The following GALNT10 variants were observed in gnomAD, a reference collection of about 807,000 sequenced individuals.
GALNT10 encodes the protein polypeptide N-acetylgalactosaminyltransferase 10, also known as GalNAc transferase 10.
In GALNT10, 41 loss-of-function variants were observed where a neutral mutation model predicts 75.0. The observed-to-expected ratio is 0.55, with a 90% CI of 0.43 to 0.71. GALNT10 has a LOEUF of 0.71. Among genes scored for constraint, GALNT10 ranks in the 30% least tolerant of loss-of-function variants. GALNT10 has a pLI of 0.00. For synonymous variants in GALNT10, 302 were observed against 313.0 expected (o/e 0.96, Z 0.37); for missense variants, 727 against 818.5 (o/e 0.89, Z 1.36).
chr5:154,320,738 G>A (rs1025145508), intron 3 of GALNT10, among the ~76,000 whole-genome samples: 1 of 152,224 alleles, frequency 6.6e-6, no homozygotes, highest in Non-Finnish European at 1.5e-5. Flanking sequence ...GAGGAAGGCT[G>A]TGTGGGGACT....
At chr5:154,326,412 A>G (rs553887009) in intron 3 of GALNT10, among the ~76,000 whole-genome samples, 62 of 152,368 alleles carry the variant, frequency 4.1e-4, no homozygotes, top group African/African-American at 1.5e-3. Context: ...TACCCACAGA[A>G]TTGAAAACAT....
At chr5:154,203,407 A>T (rs147106843) in intron 1 of GALNT10, among the ~76,000 whole-genome samples, 215 of 152,238 alleles carry the variant, frequency 1.4e-3, no homozygotes, top group African/African-American at 5.0e-3. Context: ...CCTCAACCTT[A>T]TCCCTGCCAA....
chr5:154,338,759 CTTT>C (rs1754984336), intron 4 of GALNT10, among the ~76,000 whole-genome samples: 1 of 152,228 alleles, frequency 6.6e-6, no homozygotes, highest in Non-Finnish European at 1.5e-5. Flanking sequence ...ATCTCTTCTT[CTTT>C]GAGACAATGG....
At chr5:154,286,229 A>G (rs1754108971) in intron 1 of GALNT10, among the ~76,000 whole-genome samples, 1 of 152,224 alleles carries the variant, frequency 6.6e-6, no homozygotes. Flanking sequence ...CTTCCTCACC[A>G]GTATATCCTC....
At chr5:154,229,675 GTGAGCCGAGAA>G (rs1476209394) in intron 1 of GALNT10, among the ~76,000 whole-genome samples, 1 of 152,172 alleles carries the variant, frequency 6.6e-6, no homozygotes, top group Non-Finnish European at 1.5e-5. Context: ...GCACCTTGCG[GTGAGCCGAGAA>G]TGCGCCACTG....
chr5:154,416,691 C>T lies in GALNT10; in HGVS notation c.1654-123C>T. 1 of 723,442 alleles carries T rather than the reference C, an allele frequency of 1.4e-6. No homozygotes were observed. Among genetic ancestry groups the T allele is most frequent in the Non-Finnish European group, 2.4e-6 (1 of 414,670 alleles). 44.8% of individuals were successfully genotyped at this position (723,442 alleles called of 1,614,324 possible). On this transcript the variant is annotated intron_variant, in intron 11 of 11. Coordinates refer to ENST00000297107, the MANE Select transcript of GALNT10 (RefSeq NM_198321.4). This position sits in a 1 kb window ranked among gnomAD's most constrained non-coding sequence, Gnocchi z 4.5. ...CTTGTGAGCTCAGGAGGAAAACCAA[C>T]AGGTGTATGAACAGCTAGTCAGTCA... is the stretch of plus-strand genomic sequence containing the variant.
intron 3 of GALNT10, among the ~76,000 whole-genome samples, chr5:154,309,448 T>C (rs1299178818): frequency 1.3e-5 from 2 of 152,138 alleles, no homozygotes; most frequent in Admixed American, 6.6e-5. Context: ...TGGTTGCTAT[T>C]TTAAGAATAG....
chr5:154,378,695 C>T (rs1279140826), intron 5 of GALNT10, among the ~76,000 whole-genome samples: 1 of 152,154 alleles, frequency 6.6e-6, no homozygotes, highest in Non-Finnish European at 1.5e-5. Context: ...ATAGTCTTAT[C>T]GAAGATTATA....
At chr5:154,389,693 A>C (rs1017259054) in intron 7 of GALNT10, 11 of 152,228 alleles carry the variant, frequency 7.2e-5, no homozygotes, top group Middle Eastern at 3.4e-3. Flanking sequence ...ATTTACAATA[A>C]ATTCTAGTCC....
intron 7 of GALNT10, chr5:154,388,783 G>C (rs1288698578): frequency 6.7e-6 from 1 of 150,160 alleles, no homozygotes; most frequent in Non-Finnish European, 1.5e-5. Context: ...AATCTAAGTC[G>C]GAAGTGGCAA....
chr5:154,281,556 A>C (rs887820601), intron 1 of GALNT10, among the ~76,000 whole-genome samples: 1 of 152,194 alleles, frequency 6.6e-6, no homozygotes, highest in Non-Finnish European at 1.5e-5. Flanking sequence ...GACCTGCCTA[A>C]GGTCCTGCTC....
intron 1 of GALNT10, among the ~76,000 whole-genome samples, chr5:154,291,828 G>C (rs915082264): frequency 5.3e-5 from 8 of 152,118 alleles, no homozygotes; most frequent in Admixed American, 2.0e-4. Flanking sequence ...GGGCCAGGCA[G>C]GTAACAAAAA....
At chr5:154,269,587 C>T (rs924844593) in intron 1 of GALNT10, among the ~76,000 whole-genome samples, 3 of 152,208 alleles carry the variant, frequency 2.0e-5, no homozygotes, top group African/African-American at 7.2e-5. Flanking sequence ...GAACCAGAGC[C>T]GGGCCCAGCT....
chr5:154,407,429 T>C (rs899774272), intron 8 of GALNT10, among the ~76,000 whole-genome samples: 2 of 152,240 alleles, frequency 1.3e-5, no homozygotes, highest in Non-Finnish European at 2.9e-5. Flanking sequence ...GTCTGGAAGA[T>C]ACAATTATGC....
chr5:154,323,865 GCTGTGTTACA>G (rs1438434553), intron 3 of GALNT10, among the ~76,000 whole-genome samples: 1 of 152,238 alleles, frequency 6.6e-6, no homozygotes, highest in Non-Finnish European at 1.5e-5. Flanking sequence ...CAGGGGCAGG[GCTGTGTTACA>G]CTGTGGAGTG....
intron 1 of GALNT10, among the ~76,000 whole-genome samples, chr5:154,230,188 A>G (rs1200221813): frequency 6.6e-6 from 1 of 152,196 alleles, no homozygotes; most frequent in Non-Finnish European, 1.5e-5. Context: ...GCAAAGCTTT[A>G]TGTCCCTGAA....
intron 1 of GALNT10, among the ~76,000 whole-genome samples, chr5:154,269,377 A>G (rs1753827503): frequency 6.6e-6 from 1 of 152,206 alleles, no homozygotes; most frequent in African/African-American, 2.4e-5. Flanking sequence ...TAATTTTTAA[A>G]AATACACACA....
rs1756345967 is a variant in GALNT10, at chr5:154,409,334, A to G, written c.1165-207A>G. ...TGGGCAGGCAAAACAACAGCAGCCT[A>G]TGGGCCAACTATAAGCTGTGAAGCC... On this transcript the variant is annotated intron_variant, in intron 8 of 11. Transcript: ENST00000297107. The surrounding 1 kb of genome is among the most constrained non-coding windows in gnomAD (Gnocchi z 4.5). 3.3e-6 allele frequency: 2 copies of G among 604,666 alleles called. No individual in the cohort carries two copies. Among genetic ancestry groups the G allele is most frequent in the Admixed American group, 2.9e-5 (1 of 34,732 alleles). The allele number at this position is 604,666 out of a possible 1,614,324, so 37.5% of individuals were successfully genotyped here. A position where few individuals can be genotyped will look rare whatever the true frequency, so the allele number is the denominator to read the frequency against.
chr5:154,356,245 A>G (rs1755288379), intron 4 of GALNT10: 2 of 454,592 alleles, frequency 4.4e-6, no homozygotes, highest in African/African-American at 2.0e-5. Context: ...CCATTTGGAG[A>G]CTTCTGCACC....
Sources: gnomAD v4.1 joint callset for allele counts (sites outside exome capture counted in the v4.1 genomes callset) on GRCh38, gnomAD v4.1.1 for gene constraint, Gnocchi (gnomAD v3.1) non-coding constraint, MANE v1.5 for transcripts, NCBI Gene and HGNC (gene_info 2026-07-23, HGNC 2026-07-21) for gene names.